Variants in THSD7A observed in about 807,000 individuals in gnomAD.
THSD7A encodes the protein thrombospondin type-1 domain-containing protein 7A.
In THSD7A, 96 loss-of-function variants were observed where a neutral mutation model predicts 231.3. The observed-to-expected ratio is 0.41, with a 90% CI of 0.35 to 0.49. The LOEUF is 0.49. Among genes scored for constraint, THSD7A ranks in the 20% least tolerant of loss-of-function variants. The pLI is 0.05. For synonymous variants in THSD7A, 940 were observed against 743.3 expected (o/e 1.26, Z -4.30); for missense variants, 2,290 against 2,070.2 (o/e 1.11, Z -2.06).
chr7:11,518,654 C>T (rs1191733210), intron 6 of THSD7A, among the ~76,000 whole-genome samples: 1 of 151,860 alleles, frequency 6.6e-6, no homozygotes, highest in Admixed American at 6.6e-5. Flanking sequence ...GATTTCTTTT[C>T]CCTGAAATTG....
intron 2 of THSD7A, among the ~76,000 whole-genome samples, chr7:11,611,840 G>GTCTA (rs570012898): frequency 0.16 from 21,654 of 139,292 alleles, 1,749 homozygotes; most frequent in East Asian, 0.28. Context: ...ACTATCATCT[G>GTCTA]TCTATCTATC....
chr7:11,658,748 T>C (rs1782803367), intron 1 of THSD7A, among the ~76,000 whole-genome samples: 1 of 151,724 alleles, frequency 6.6e-6, no homozygotes, highest in African/African-American at 2.4e-5. Flanking sequence ...CTTGCGGTTT[T>C]CATGACATAA....
At chr7:11,670,272 A>C (rs141121196) in intron 1 of THSD7A, among the ~76,000 whole-genome samples, 1 of 152,180 alleles carries the variant, frequency 6.6e-6, no homozygotes, top group Non-Finnish European at 1.5e-5. Context: ...TAAGGAGTTT[A>C]ACCTTTAGGT....
chr7:11,379,558 T>C (rs1476365264), intron 25 of THSD7A, 72 bp downstream of exon 25: 3 of 1,353,056 alleles, frequency 2.2e-6, no homozygotes, highest in African/African-American at 1.4e-5. Context: ...TGGAGGAAGA[T>C]AAACTGCATA....
At chr7:11,378,348 G>C (rs1322758699) in intron 26 of THSD7A, among the ~76,000 whole-genome samples, 1 of 152,182 alleles carries the variant, frequency 6.6e-6, no homozygotes, top group Non-Finnish European at 1.5e-5. Flanking sequence ...GTTAGTTCTA[G>C]GGATGAGCAT....
intron 2 of THSD7A, among the ~76,000 whole-genome samples, chr7:11,602,414 A>G (rs2128344972): frequency 6.6e-6 from 1 of 152,264 alleles, no homozygotes; most frequent in Non-Finnish European, 1.5e-5. Flanking sequence ...CAGAAGTACA[A>G]AGATAAGATT....
chr7:11,730,825 T>A (rs79880071), intron 1 of THSD7A, among the ~76,000 whole-genome samples: 2,553 of 151,726 alleles, frequency 0.017, 81 homozygotes, highest in African/African-American at 0.059. Context: ...AATCCACTGA[T>A]TGTTCCTCAG....
intron 11 of THSD7A, among the ~76,000 whole-genome samples, chr7:11,450,197 A>G (rs988621640): frequency 6.6e-6 from 1 of 152,090 alleles, no homozygotes; most frequent in African/African-American, 2.4e-5. Flanking sequence ...ATAAAATAAC[A>G]CTACTACCAA....
intron 22 of THSD7A, among the ~76,000 whole-genome samples, chr7:11,405,123 ATACCC>A (rs1296113697): frequency 6.7e-6 from 1 of 149,416 alleles, no homozygotes; most frequent in Admixed American, 6.8e-5. Flanking sequence ...ATCTTAAACT[ATACCC>A]TACCATTTTT....
chr7:11,653,448 A>ATGTGTGTG (rs60933989), intron 1 of THSD7A, among the ~76,000 whole-genome samples: 2,500 of 127,056 alleles, frequency 0.02, 40 homozygotes, highest in South Asian at 0.053. Flanking sequence ...ACTCCCAGAT[A>ATGTGTGTG]TGTGTGTGTG....
chr7:11,414,626 A>G (rs925099624), intron 17 of THSD7A, among the ~76,000 whole-genome samples: 1 of 152,162 alleles, frequency 6.6e-6, no homozygotes, highest in Non-Finnish European at 1.5e-5. Context: ...TTCAGTTGAC[A>G]ACATCTAAAA....
chr7:11,413,266 C>G (rs1783846000), intron 17 of THSD7A, among the ~76,000 whole-genome samples: 2 of 151,820 alleles, frequency 1.3e-5, no homozygotes, highest in South Asian at 4.2e-4. Context: ...AATTCTAAAT[C>G]CTAATTTTAA....
At chr7:11,706,445 A>G (rs570375891) in intron 1 of THSD7A, among the ~76,000 whole-genome samples, 1 of 150,932 alleles carries the variant, frequency 6.6e-6, no homozygotes, top group South Asian at 2.1e-4. Context: ...CATTTTCAAA[A>G]ATATCATTTA....
At chr7:11,488,596 A>G (rs994053845) in intron 6 of THSD7A, among the ~76,000 whole-genome samples, 2 of 152,050 alleles carry the variant, frequency 1.3e-5, no homozygotes, top group African/African-American at 4.8e-5. Flanking sequence ...AGTGAGCCTG[A>G]TTTTACAAAT....
At chr7:11,419,862 T>G (rs2115403551) in intron 16 of THSD7A, among the ~76,000 whole-genome samples, 1 of 152,278 alleles carries the variant, frequency 6.6e-6, no homozygotes, top group Non-Finnish European at 1.5e-5. Context: ...TTGCTATACT[T>G]TAGCAAAGAG....
chr7:11,439,226 A>G (rs898991545), intron 13 of THSD7A, among the ~76,000 whole-genome samples: 2 of 152,042 alleles, frequency 1.3e-5, no homozygotes, highest in Non-Finnish European at 2.9e-5. Flanking sequence ...AACTTGATAA[A>G]GAAACAATGT....
At chr7:11,507,387 T>C (rs1787596267) in intron 6 of THSD7A, among the ~76,000 whole-genome samples, 1 of 152,186 alleles carries the variant, frequency 6.6e-6, no homozygotes, top group African/African-American at 2.4e-5. Context: ...TATATATTGT[T>C]ATAACAATAT....
At chr7:11,478,565 G>A (rs377494729) in intron 7 of THSD7A, among the ~76,000 whole-genome samples, 1 of 152,128 alleles carries the variant, frequency 6.6e-6, no homozygotes, top group East Asian at 1.9e-4. Context: ...AGGAGAAAAA[G>A]AGCCTAGCAA....
chr7:11,546,167 C>A (rs1789373971), intron 4 of THSD7A, among the ~76,000 whole-genome samples: 2 of 135,884 alleles, frequency 1.5e-5, no homozygotes, highest in African/African-American at 2.8e-5. Context: ...GCCCACCACC[C>A]TGTTGCTGCT....
Sources: gnomAD v4.1 joint callset for allele counts (sites outside exome capture counted in the v4.1 genomes callset) on GRCh38, gnomAD v4.1.1 for gene constraint, MANE v1.5 for transcripts, NCBI Gene and HGNC (gene_info 2026-07-23, HGNC 2026-07-21) for gene names.